Variants in PDZD2 observed in about 807,000 individuals in gnomAD.
The protein encoded by PDZD2 is PDZ domain-containing protein 2.
In PDZD2, 90 loss-of-function variants were observed where a neutral mutation model predicts 220.7. The observed-to-expected ratio is 0.41, with a 90% CI of 0.34 to 0.49. The LOEUF is 0.49. Among genes scored for constraint, PDZD2 ranks in the 20% least tolerant of loss-of-function variants. PDZD2 has a pLI of 0.28. For missense variants in PDZD2, 3,174 were observed against 3,608.5 expected, an observed-to-expected ratio of 0.88 and a Z score of 3.08; for synonymous variants, 1,375 against 1,450.5, an observed-to-expected ratio of 0.95 and a Z score of 1.18.
chr5:32,015,678 T>C (rs888856021), intron 6 of PDZD2, among the ~76,000 whole-genome samples: 1 of 152,154 alleles, frequency 6.6e-6, no homozygotes, highest in South Asian at 2.1e-4. Flanking sequence ...CTTTCTCAAG[T>C]GTAAATAATG....
chr5:31,920,416 AT>A (rs1484069729), intron 2 of PDZD2, among the ~76,000 whole-genome samples: 1 of 149,148 alleles, frequency 6.7e-6, no homozygotes, highest in Non-Finnish European at 1.5e-5. Flanking sequence ...GGGGTGGTGC[AT>A]TTGTTAAAAT....
At chr5:31,802,544 A>G (rs535452452) in intron 2 of PDZD2, among the ~76,000 whole-genome samples, 6 of 152,084 alleles carry the variant, frequency 3.9e-5, no homozygotes, top group African/African-American at 1.5e-4. Context: ...AATGTCAGGG[A>G]ATAGACCAGT....
intron 6 of PDZD2, among the ~76,000 whole-genome samples, chr5:32,027,156 G>A (rs926972874): frequency 3.3e-5 from 5 of 151,972 alleles, no homozygotes; most frequent in African/African-American, 9.7e-5. Flanking sequence ...CACCCGCCTC[G>A]GCCTCCCAAA....
chr5:31,651,487 A>G (rs915022188), intron 1 of PDZD2, among the ~76,000 whole-genome samples: 14 of 152,160 alleles, frequency 9.2e-5, no homozygotes, highest in African/African-American at 3.4e-4. Context: ...GGAGCCTGGG[A>G]AGAATTGTAT....
chr5:32,048,462 T>A, intron 7 of PDZD2, 77 bp from the exon 8 acceptor site: 1 of 1,234,940 alleles, frequency 8.1e-7, no homozygotes, highest in Non-Finnish European at 1.2e-6. Flanking sequence ...GTAAATACAA[T>A]GAGTTTATGC....
At chr5:31,840,411 TATA>T (rs1455370139) in intron 2 of PDZD2, 3 of 78,632 alleles carry the variant, frequency 3.8e-5, no homozygotes, top group Middle Eastern at 4.7e-3. Flanking sequence ...TATATATATA[TATA>T]TATATATATA....
In PDZD2 at chr5:31,998,557, C is replaced by T. The variant is rs192454716; in HGVS notation, c.1122-1582C>T. 6.6e-5 allele frequency among the ~76,000 whole-genome samples: 10 copies of T among 152,260 alleles called. No individual in the cohort carries two copies. In the East Asian group the frequency reaches 9.7e-4, roughly 15 times the overall value. On this transcript the variant is annotated intron_variant, in intron 4 of 24. Coordinates refer to ENST00000438447, the MANE Select transcript of PDZD2 (RefSeq NM_178140.4). ...GGAGAGCCTAGAGACTGGAGACAAA[C>T]GGAGCTTCTGGGCGTGTCGGAGGCG...
At chr5:31,877,831 AG>A (rs1480707298) in intron 2 of PDZD2, among the ~76,000 whole-genome samples, 3 of 152,112 alleles carry the variant, frequency 2.0e-5, no homozygotes, top group Non-Finnish European at 2.9e-5. Context: ...CTGGGATTAC[AG>A]GTGCACACCA....
chr5:32,010,366 A>G lies in PDZD2; in HGVS notation c.1291A>G (p.Lys431Glu). The G allele has an allele frequency of 1.9e-6, 3 of 1,611,438 alleles. No homozygotes were observed. Among genetic ancestry groups the G allele is most frequent in the Non-Finnish European group, 2.5e-6 (3 of 1,177,828 alleles). The stretch of plus-strand genomic sequence containing the variant: ...AGAGGACCTCCTCAGGTTAACATCT[A>G]AGAGCTTGCCAGATCTGACCAGCTC... ...SAEDLLRLTS[K>E]SLPDLTSSVE... is the part of the protein sequence containing the mutation. The change falls in exon 6 of 25, where the codon AAG becomes GAG. Residue 431 changes from lysine to glutamate, a missense_variant. Around this residue, in one of 4 missense-constraint regions of PDZD2, gnomAD observed 632 missense variants for 708.1 expected, o/e 0.89. Transcript: ENST00000438447.
At chr5:31,725,647 T>C (rs1749077656) in intron 1 of PDZD2, 8 of 1,139,908 alleles carry the variant, frequency 7.0e-6, no homozygotes, top group Non-Finnish European at 1.1e-5. Context: ...TGATTCCTTT[T>C]CATATCTTGA....
At chr5:31,874,875 A>AAAC (rs896387813) in intron 2 of PDZD2, among the ~76,000 whole-genome samples, 5 of 152,116 alleles carry the variant, frequency 3.3e-5, no homozygotes, top group African/African-American at 4.8e-5. Context: ...GTCTTTGTTT[A>AAAC]AACAACAACA....
chr5:32,066,231 G>C (rs1322834142), intron 14 of PDZD2, among the ~76,000 whole-genome samples: 1 of 151,596 alleles, frequency 6.6e-6, no homozygotes, highest in Admixed American at 6.6e-5. Flanking sequence ...TATAATCCCA[G>C]CTACTCGGGA....
intron 19 of PDZD2, among the ~76,000 whole-genome samples, chr5:32,085,507 C>T (rs1028240923): frequency 1.3e-5 from 2 of 149,634 alleles, no homozygotes; most frequent in Non-Finnish European, 2.9e-5. Flanking sequence ...AATACAATGG[C>T]ATGATCTTGG....
At chr5:32,068,512 A>G (rs1740426087) in intron 14 of PDZD2, among the ~76,000 whole-genome samples, 2 of 152,192 alleles carry the variant, frequency 1.3e-5, no homozygotes, top group South Asian at 4.1e-4. Flanking sequence ...GCTAATTTGC[A>G]TTGTGGAGTT....
chr5:31,768,086 G>T (rs1752130245), intron 1 of PDZD2, among the ~76,000 whole-genome samples: 1 of 152,188 alleles, frequency 6.6e-6, no homozygotes, highest in Admixed American at 6.5e-5. Context: ...AGGATGAGAG[G>T]CACCAACTAC....
intron 4 of PDZD2, among the ~76,000 whole-genome samples, chr5:31,997,936 A>G (rs10461905): frequency 0.18 from 27,372 of 152,062 alleles, 2,663 homozygotes; most frequent in East Asian, 0.22. Flanking sequence ...TCCGCCTCCC[A>G]GGTTCAAGTG....
intron 2 of PDZD2, among the ~76,000 whole-genome samples, chr5:31,924,573 C>T (rs1469816768): frequency 4.6e-5 from 7 of 152,178 alleles, no homozygotes; most frequent in Admixed American, 3.3e-4. Context: ...TGTGTTGCCT[C>T]GTAGTGGTGG....
At chr5:31,859,462 GTCA>G (rs1249075776) in intron 2 of PDZD2, among the ~76,000 whole-genome samples, 4 of 152,014 alleles carry the variant, frequency 2.6e-5, no homozygotes, top group African/African-American at 7.3e-5. Flanking sequence ...TTTTATGTCT[GTCA>G]TCATATTTGT....
At chr5:31,866,150 C>T (rs147650357) in intron 2 of PDZD2, among the ~76,000 whole-genome samples, 1 of 151,964 alleles carries the variant, frequency 6.6e-6, no homozygotes, top group East Asian at 1.9e-4. Flanking sequence ...AGGCGGGGGC[C>T]GTCACACCTG....
Sources: allele counts gnomAD v4.1 joint callset (sites outside exome capture counted in the v4.1 genomes callset), GRCh38; gene constraint gnomAD v4.1.1; regional missense constraint gnomAD v4.1.1; transcripts MANE v1.5; gene names NCBI Gene and HGNC (gene_info 2026-07-23, HGNC 2026-07-21).